The following VIPR2 variants were observed in gnomAD, a reference collection of about 807,000 sequenced individuals.
VIPR2 encodes the protein vasoactive intestinal polypeptide receptor 2.
In VIPR2, 48 loss-of-function variants were observed where a neutral mutation model predicts 58.0. The observed-to-expected ratio is 0.83, with a 90% confidence interval of 0.66 to 1.05. VIPR2 has a LOEUF of 1.05. VIPR2 is among the 50% of genes least tolerant of loss of function. The probability of loss-of-function intolerance (pLI) is 0.00; values close to 1 mark genes in which losing one functional copy is unlikely to be tolerated. For synonymous variants in VIPR2, 243 were observed against 235.2 expected (o/e 1.03, Z -0.30); for missense variants, 534 against 558.0 (o/e 0.96, Z 0.43).
At chr7:159,084,454 A>G (rs1450136364) in intron 4 of VIPR2, among the ~76,000 whole-genome samples, 1 of 152,186 alleles carries the variant, frequency 6.6e-6, no homozygotes, top group African/African-American at 2.4e-5. Context: ...ATGCCGAGTG[A>G]CAGCACCCTC....
intron 10 of VIPR2, 123 bp from the exon 11 acceptor site, chr7:159,032,190 C>A: frequency 7.4e-7 from 1 of 1,349,872 alleles, no homozygotes; most frequent in Non-Finnish European, 1.0e-6. Context: ...CTCTCCACTG[C>A]TGGAGTCCCC....
intron 2 of VIPR2, among the ~76,000 whole-genome samples, chr7:159,131,987 C>A (rs374325419): frequency 6.6e-6 from 1 of 152,114 alleles, no homozygotes; most frequent in Non-Finnish European, 1.5e-5. Flanking sequence ...TCCAATGGGA[C>A]AGAACAAATA....
chr7:159,091,648 G>A (rs1411712723), intron 4 of VIPR2, among the ~76,000 whole-genome samples: 1 of 152,192 alleles, frequency 6.6e-6, no homozygotes, highest in African/African-American at 2.4e-5. Context: ...GTGGGGGAAC[G>A]AGGGGCCATG....
chr7:159,047,984 T>G (rs1854754573), intron 5 of VIPR2, among the ~76,000 whole-genome samples: 1 of 152,220 alleles, frequency 6.6e-6, no homozygotes, highest in Non-Finnish European at 1.5e-5. Flanking sequence ...AGAGCTTATT[T>G]GTGACATAGC....
chr7:159,099,995 C>T lies in VIPR2; in HGVS notation c.357+3762G>A, dbSNP rs529515501. ...CCTTCCTCAAGGGCTCACAGCCATGCGTGCTGGAGCTGGGCCCCCAACACT... is the reference window on the plus strand; with the variant it reads ...CCTTCCTCAAGGGCTCACAGCCATGTGTGCTGGAGCTGGGCCCCCAACACT... On this transcript the variant is annotated intron_variant, in intron 4 of 12. Transcript: ENST00000262178. This position sits in a 1 kb window ranked among gnomAD's most constrained non-coding sequence, Gnocchi z 4.2. Among the ~76,000 whole-genome samples the T allele has an allele frequency of 1.3e-5, 2 of 152,296 alleles. No homozygotes were observed. The highest frequency in any genetic ancestry group is 2.1e-4 in the South Asian group (1 of 4,826).
intron 9 of VIPR2, 64 bp downstream of exon 9, chr7:159,034,517 G>A (rs1235838786): frequency 1.3e-6 from 2 of 1,518,608 alleles, no homozygotes; most frequent in African/African-American, 2.7e-5. Context: ...AAGGATGGCA[G>A]GCTTGCTGTC....
intron 3 of VIPR2, 74 bp downstream of exon 3, chr7:159,109,738 T>G: frequency 7.2e-7 from 1 of 1,397,108 alleles, no homozygotes; most frequent in South Asian, 1.2e-5. Context: ...TGTTCCTGCT[T>G]CTTGGATGGA....
At chr7:159,129,120 G>A (rs1278684202) in intron 2 of VIPR2, among the ~76,000 whole-genome samples, 1 of 131,342 alleles carries the variant, frequency 7.6e-6, no homozygotes, top group Non-Finnish European at 1.7e-5. Flanking sequence ...TTCACACTCT[G>A]TTCCCTCAAA....
At chr7:159,053,673 G>A (rs1474201117) in intron 5 of VIPR2, among the ~76,000 whole-genome samples, 1 of 152,166 alleles carries the variant, frequency 6.6e-6, no homozygotes, top group East Asian at 1.9e-4. Flanking sequence ...TAAGTAGCTG[G>A]AACTGCAGGC....
chr7:159,066,057 C>CT (rs1434882316), intron 4 of VIPR2, among the ~76,000 whole-genome samples: 3 of 149,998 alleles, frequency 2.0e-5, no homozygotes, highest in African/African-American at 7.2e-5. Flanking sequence ...ACGATGCCTG[C>CT]TCCGCAGCGT....
At chr7:159,089,450 T>A (rs577821658) in intron 4 of VIPR2, among the ~76,000 whole-genome samples, 2 of 151,552 alleles carry the variant, frequency 1.3e-5, no homozygotes, top group Non-Finnish European at 2.9e-5. Flanking sequence ...GGAATGGGAA[T>A]AGCCTCAGGC....
chr7:159,073,224 T>C (rs1322880121), intron 4 of VIPR2, among the ~76,000 whole-genome samples: 2 of 152,108 alleles, frequency 1.3e-5, no homozygotes, highest in African/African-American at 4.8e-5. Context: ...CACTTACAAA[T>C]ACAAAAGGAA....
chr7:159,129,210 G>A (rs1796781519), intron 2 of VIPR2, among the ~76,000 whole-genome samples: 2 of 140,802 alleles, frequency 1.4e-5, no homozygotes, highest in Admixed American at 7.1e-5. Context: ...ACTGGACTCT[G>A]GTGGGGACAG....
At chr7:159,035,877 T>G in intron 8 of VIPR2, 75 bp downstream of exon 8, 1 of 1,562,098 alleles carries the variant, frequency 6.4e-7, no homozygotes, top group Non-Finnish European at 8.7e-7. Context: ...GGTAACCTTC[T>G]GGCTTCCAAA....
At position 159,090,271 on chromosome 7, in the gene VIPR2, A is replaced by G. The variant is rs1376536466; in HGVS notation, c.357+13486T>C. ...AATCCCCAGTGACCTCAGCACAGAC[A>G]TGCTGGGACCACGCACAGGGGCCAC... On this transcript the variant is annotated intron_variant, in intron 4 of 12. Transcript: ENST00000262178. 1.8e-4 allele frequency among the ~76,000 whole-genome samples: 21 copies of G among 114,818 alleles called. 1 individual carries two copies. Among genetic ancestry groups the G allele is most frequent in the Non-Finnish European group, 3.0e-4 (17 of 56,970 alleles). 75.3% of individuals were successfully genotyped at this position (114,818 alleles called of 152,430 possible).
chr7:159,133,571 C>T (rs1332037295), intron 2 of VIPR2, among the ~76,000 whole-genome samples: 59 of 152,298 alleles, frequency 3.9e-4, no homozygotes, highest in African/African-American at 1.4e-3. Flanking sequence ...CAATTTGGAC[C>T]GACCAGTGAG....
At chr7:159,082,143 C>G (rs573812595) in intron 4 of VIPR2, among the ~76,000 whole-genome samples, 5 of 152,322 alleles carry the variant, frequency 3.3e-5, no homozygotes, top group Admixed American at 1.3e-4. Flanking sequence ...ATAAATCATG[C>G]TGCTATAAAG....
At chr7:159,087,849 A>G (rs143679615) in intron 4 of VIPR2, among the ~76,000 whole-genome samples, 7 of 145,682 alleles carry the variant, frequency 4.8e-5, no homozygotes, top group African/African-American at 5.0e-5. Context: ...AGTGAGATAC[A>G]GCTTCCCCAA....
intron 6 of VIPR2, among the ~76,000 whole-genome samples, chr7:159,038,291 CCAAG>C (rs1854100402): frequency 6.6e-6 from 1 of 152,124 alleles, no homozygotes; most frequent in African/African-American, 2.4e-5. Flanking sequence ...TTCCTTTTTC[CCAAG>C]CATAGCAGGG....
Sources: gnomAD v4.1 joint callset for allele counts (sites outside exome capture counted in the v4.1 genomes callset) on GRCh38, gnomAD v4.1.1 for gene constraint, Gnocchi (gnomAD v3.1) non-coding constraint, MANE v1.5 for transcripts, NCBI Gene and HGNC (gene_info 2026-07-23, HGNC 2026-07-21) for gene names.